Variants in ANO1 observed in about 807,000 individuals in gnomAD.
The protein encoded by ANO1 is anoctamin-1.
A neutral mutation model predicts 124.0 loss-of-function variants in ANO1; 59 were observed. The ratio of observed to expected loss-of-function variants is 0.48; its 90% CI spans 0.39 to 0.59. The LOEUF is 0.59. Ranked by LOEUF, ANO1 falls within the 20% of genes least tolerant of loss-of-function variation. The pLI is 0.00. For missense variants in ANO1, 1,059 were observed against 1,328.0 expected (o/e 0.80, Z 3.15); for synonymous variants, 529 against 532.0 (o/e 0.99, Z 0.08).
intron 1 of ANO1, among the ~76,000 whole-genome samples, chr11:70,013,197 A>G (rs1555001371): frequency 6.6e-6 from 1 of 152,120 alleles, no homozygotes; most frequent in Non-Finnish European, 1.5e-5. Context: ...TGAGGCAGGA[A>G]GTGCCTGGCA....
intron 1 of ANO1, among the ~76,000 whole-genome samples, chr11:70,020,306 A>C (rs7950460): frequency 0.79 from 120,505 of 152,086 alleles, 48,067 homozygotes; most frequent in East Asian, 0.94. Flanking sequence ...CCCTTCTTCC[A>C]TCCTCACCAC....
At chr11:70,174,129 G>A (rs1048177518) in intron 22 of ANO1, among the ~76,000 whole-genome samples, 3 of 150,944 alleles carry the variant, frequency 2.0e-5, no homozygotes, top group Admixed American at 6.6e-5. Flanking sequence ...TAGTAGAGAC[G>A]GGGTTTCACC....
At chr11:70,032,254 A>C (rs1206781075) in intron 1 of ANO1, among the ~76,000 whole-genome samples, 1 of 152,178 alleles carries the variant, frequency 6.6e-6, no homozygotes, top group African/African-American at 2.4e-5. Context: ...GTCAGGAGAG[A>C]AGCAGTCTCA....
chr11:70,022,629 T>A (rs1158328155), intron 1 of ANO1, among the ~76,000 whole-genome samples: 1 of 146,882 alleles, frequency 6.8e-6, no homozygotes, highest in Non-Finnish European at 1.5e-5. Flanking sequence ...AATGCAAGAG[T>A]GAAGCCACTG....
the ANO1 span, among the ~76,000 whole-genome samples, chr11:69,968,316 C>T: frequency 6.6e-6 from 1 of 152,168 alleles, no homozygotes; most frequent in Admixed American, 6.5e-5. Flanking sequence ...TGGGCCAAAG[C>T]AGGAACGACC....
chr11:69,972,581 C>A, the ANO1 span, among the ~76,000 whole-genome samples: 3 of 152,172 alleles, frequency 2.0e-5, 1 homozygote, highest in Non-Finnish European at 2.9e-5. Context: ...CAATTCATGA[C>A]CCACTGGGTT....
rs190637575 is a variant in ANO1 at position 70,161,677 on chromosome 11, G to A, written c.1836G>A (p.Leu612=). 1.7e-4 allele frequency: 280 copies of A among 1,614,016 alleles called. 1 individual carries two copies. In the African/African-American group the frequency reaches 3.4e-3, roughly 20 times the overall value. Residue 612 remains leucine, a synonymous_variant, in exon 18 of 26, where the codon CTG becomes CTA. Transcript: ENST00000355303. The part of the protein sequence containing the change: ...FEERLIFKAF[L]LKFVNSYTPI... ...AGAGGCTGATCTTCAAGGCTTTCCTGCTGAAGTTTGTGAATTCCTACACCC... is the reference window on the plus strand; with the variant it reads ...AGAGGCTGATCTTCAAGGCTTTCCTACTGAAGTTTGTGAATTCCTACACCC...
chr11:69,972,912 C>CT, the ANO1 span, among the ~76,000 whole-genome samples: 6,988 of 144,332 alleles, frequency 0.048, 652 homozygotes, highest in East Asian at 0.37. Flanking sequence ...TTTTCTTTTT[C>CT]TTTCTTTTTT....
intron 1 of ANO1, among the ~76,000 whole-genome samples, chr11:69,988,750 A>T (rs1591018091): frequency 1.3e-5 from 2 of 152,086 alleles, no homozygotes; most frequent in East Asian, 3.9e-4. Context: ...GGGCAGGTGG[A>T]GTTAGGGTGA....
chr11:70,059,703 G>T (rs1555007456), intron 1 of ANO1, among the ~76,000 whole-genome samples: 1 of 152,182 alleles, frequency 6.6e-6, no homozygotes, highest in East Asian at 1.9e-4. Context: ...TGAAGGGAAG[G>T]AGGAGGTGGG....
chr11:69,975,453 G>A, the ANO1 span, among the ~76,000 whole-genome samples: 1 of 152,228 alleles, frequency 6.6e-6, no homozygotes, highest in Non-Finnish European at 1.5e-5. Context: ...CGGGGGATGA[G>A]GGAGCTGGCA....
At position 70,157,065 on chromosome 11, in the gene ANO1, G is replaced by A. The variant is rs374825899; in HGVS notation, c.1578+44G>A. On this transcript the variant is annotated intron_variant, in intron 16 of 25. Transcript: ENST00000355303. ...AGGCCAGACGAAGTCAGGGGAAACC[G>A]CAAGGAAGTGATTGGCTTCAGCCGG... The A allele has an allele frequency of 8.0e-4, 1,240 of 1,557,586 alleles. 21 individuals carry two copies. In the South Asian group the frequency reaches 0.013, roughly 17 times the overall value.
At chr11:70,105,427 T>C (rs1422745088) in intron 4 of ANO1, among the ~76,000 whole-genome samples, 1 of 142,410 alleles carries the variant, frequency 7.0e-6, no homozygotes, top group South Asian at 2.5e-4. Flanking sequence ...GAGGATGTCA[T>C]CAAAAGGAAG....
At chr11:70,036,574 C>T (rs1357563925) in intron 1 of ANO1, among the ~76,000 whole-genome samples, 1 of 152,042 alleles carries the variant, frequency 6.6e-6, no homozygotes, top group African/African-American at 2.4e-5. Context: ...GCCCTGATGT[C>T]TGACTGTGTG....
chr11:70,034,456 G>T (rs780440390), intron 1 of ANO1, among the ~76,000 whole-genome samples: 1 of 152,172 alleles, frequency 6.6e-6, no homozygotes, highest in African/African-American at 2.4e-5. Flanking sequence ...ATACCACCAT[G>T]CCAGGAGAGG....
At chr11:70,088,849 T>C (rs1352582201) in intron 2 of ANO1, among the ~76,000 whole-genome samples, 1 of 152,196 alleles carries the variant, frequency 6.6e-6, no homozygotes, top group Non-Finnish European at 1.5e-5. Context: ...CTGGGAGTCG[T>C]TGGTGCTCTG....
chr11:70,152,706 A>G (rs929949844), intron 13 of ANO1, among the ~76,000 whole-genome samples: 4 of 152,180 alleles, frequency 2.6e-5, no homozygotes, highest in African/African-American at 9.7e-5. Context: ...GCCGACAGTT[A>G]CTGCGTCTCT....
Position 70,099,696 on chromosome 11 carries a change from T to A in ANO1, c.442-3370T>A, listed in dbSNP as rs962064785. ...GCTTCAAGCTTCTTGGCCGAAGGAG[T>A]CTGTGCTTGCACAGGCAGGGGCTCA... On this transcript the variant is annotated intron_variant, in intron 2 of 25. Coordinates refer to ENST00000355303, the MANE Select transcript of ANO1 (RefSeq NM_018043.7). Among the ~76,000 whole-genome samples, 12 of 152,140 alleles carry A rather than the reference T, an allele frequency of 7.9e-5. No individual in the cohort carries two copies. In the Middle Eastern group the frequency reaches 0.014, roughly 172 times the overall value.
chr11:70,051,206 G>A (rs1857345291), intron 1 of ANO1, among the ~76,000 whole-genome samples: 1 of 152,192 alleles, frequency 6.6e-6, no homozygotes, highest in East Asian at 1.9e-4. Context: ...ACCCATCACT[G>A]TGGATTCAAC....
Sources: gnomAD v4.1 joint callset for allele counts (sites outside exome capture counted in the v4.1 genomes callset) on GRCh38, gnomAD v4.1.1 for gene constraint, MANE v1.5 for transcripts, NCBI Gene and HGNC (gene_info 2026-07-23, HGNC 2026-07-21) for gene names.